The following HSPG2 variants were observed in gnomAD, a reference collection of about 807,000 sequenced individuals.
HSPG2 encodes heparan sulfate proteoglycan 2.
A neutral mutation model predicts 526.6 loss-of-function variants in HSPG2; 278 were observed. The observed-to-expected ratio is 0.53, with a 90% CI of 0.48 to 0.58. HSPG2 has a LOEUF of 0.58. Among genes scored for constraint, HSPG2 ranks in the 20% least tolerant of loss-of-function variants. The pLI is 0.00. For missense variants in HSPG2, 5,354 were observed against 6,099.5 expected, an observed-to-expected ratio of 0.88 and a Z score of 4.07; for synonymous variants, 2,465 against 2,555.4, an observed-to-expected ratio of 0.96 and a Z score of 1.07.
At chr1:21,870,271 G>T in intron 33 of HSPG2, 1 of 986,154 alleles carries the variant, frequency 1.0e-6, no homozygotes, top group Non-Finnish European at 1.2e-6. Flanking sequence ...CCTCCCAGCT[G>T]TCACGGCTGC....
At position 21,841,964 on chromosome 1, in the gene HSPG2, G is replaced by A. The variant is rs553616373; in HGVS notation, c.9193+38C>T. ...TGGGGATGACGGCACCCCCATGCCT[G>A]CCCCCAGCTTGCCCACCTGCCCACC... On this transcript the variant is annotated intron_variant, in intron 69 of 96. Coordinates refer to ENST00000374695, the MANE Select transcript of HSPG2 (RefSeq NM_005529.7). The A allele has an allele frequency of 1.9e-6, 3 of 1,610,816 alleles. No individual in the cohort carries two copies. In the South Asian group the frequency reaches 3.3e-5, roughly 18 times the overall value.
At position 21,822,434 on chromosome 1, in the gene HSPG2, G is replaced by A. The variant is rs1243505569; in HGVS notation, c.*882C>T. On this transcript the variant is annotated 3_prime_UTR_variant, in exon 97 of 97. Coordinates refer to ENST00000374695, the MANE Select transcript of HSPG2 (RefSeq NM_005529.7). ...TATCCCCCTCCTCTCTCTCTCAGTC[G>A]TGAGTCCTGCCTTCCCCCACCTAAG... 1.7e-5 allele frequency: 10 copies of A among 580,734 alleles called. No individual in the cohort carries two copies. Among genetic ancestry groups the A allele is most frequent in the African/African-American group, 7.5e-5 (4 of 53,446 alleles). The allele number at this position is 580,734 out of a possible 1,614,324, so 36.0% of individuals were successfully genotyped here.
intron 1 of HSPG2, among the ~76,000 whole-genome samples, chr1:21,909,889 G>A (rs1350499984): frequency 6.6e-6 from 1 of 152,236 alleles, no homozygotes; most frequent in Admixed American, 6.5e-5. Context: ...GCACAAAGAG[G>A]CACCTTCAGT....
chr1:21,895,837 C>A lies in HSPG2; in HGVS notation c.244+85G>T. On this transcript the variant is annotated intron_variant, in intron 3 of 96. Transcript: ENST00000374695. This position sits in a 1 kb window ranked among gnomAD's most constrained non-coding sequence, Gnocchi z 4.1. ...CTTGCTTTGTACCCCAGGGCAGGCC[C>A]AAGGAGCCCTCAGCCCAGGAGACTG... 1 of 1,293,492 alleles carries A rather than the reference C, an allele frequency of 7.7e-7. No homozygotes were observed. Among genetic ancestry groups the A allele is most frequent in the Non-Finnish European group, 1.1e-6 (1 of 890,476 alleles). The allele number at this position is 1,293,492 out of a possible 1,614,324, so 80.1% of individuals were successfully genotyped here.
In HSPG2 at chr1:21,843,203, A is replaced by G. The variant is rs574647202; in HGVS notation, c.8758+94T>C. On this transcript the variant is annotated intron_variant, in intron 66 of 96. Coordinates refer to ENST00000374695, the MANE Select transcript of HSPG2 (RefSeq NM_005529.7). The stretch of plus-strand genomic sequence containing the variant: ...GTAGGAAACCCCGCCTGCAGGCAAC[A>G]ATAAGTGCCCGGCTGGGAGAGAGGA... 60 of 1,570,090 alleles carry G rather than the reference A, an allele frequency of 3.8e-5. No individual in the cohort carries two copies. In the East Asian group the frequency reaches 1.3e-3, roughly 35 times the overall value.
At position 21,823,288 on chromosome 1, in the gene HSPG2, C is replaced by T. The variant is rs1318633582; in HGVS notation, c.*28G>A. ...GACATTGTCGGGCTGGGGCGTGGCCCGGGAGTCCGTGTGGGGCAGGCAGGT... is the reference window on the plus strand; with the variant it reads ...GACATTGTCGGGCTGGGGCGTGGCCTGGGAGTCCGTGTGGGGCAGGCAGGT... On this transcript the variant is annotated 3_prime_UTR_variant, in exon 97 of 97. Coordinates refer to ENST00000374695, the MANE Select transcript of HSPG2 (RefSeq NM_005529.7). 1.5e-5 allele frequency: 22 copies of T among 1,490,816 alleles called. No individual in the cohort carries two copies. Among genetic ancestry groups the T allele is most frequent in the East Asian group, 1.2e-4 (5 of 40,304 alleles). The allele number at this position is 1,490,816 out of a possible 1,614,324, so 92.3% of individuals were successfully genotyped here.
chr1:21,936,962 G>GC (rs1300054607), intron 1 of HSPG2, among the ~76,000 whole-genome samples, 193 bp downstream of exon 1: 1 of 151,514 alleles, frequency 6.6e-6, no homozygotes, highest in African/African-American at 2.4e-5. Context: ...CTGACTGGTG[G>GC]CCCCCCTGGA....
intron 1 of HSPG2, among the ~76,000 whole-genome samples, chr1:21,936,295 G>C (rs531785869): frequency 2.6e-5 from 4 of 152,318 alleles, no homozygotes; most frequent in African/African-American, 9.6e-5. Context: ...CCTGACCGTA[G>C]AATTCCCTTT....
intron 64 of HSPG2, among the ~76,000 whole-genome samples, chr1:21,845,029 T>C (rs948539493): frequency 1.3e-5 from 2 of 152,154 alleles, no homozygotes; most frequent in Non-Finnish European, 2.9e-5. Flanking sequence ...GGGCGGATCA[T>C]GAGGTCAGGA....
At position 21,860,236 on chromosome 1, in the gene HSPG2, C is replaced by T. The variant is rs2152730317; in HGVS notation, c.4956-1G>A. On this transcript the variant is annotated splice_acceptor_variant, in intron 39 of 96. Transcript: ENST00000374695. LOFTEE classifies it high-confidence loss of function. Reference sequence around the variant, plus strand: ...GTTACCCACGTAACCTGGGCCACACCTGTAAGGGGGAACAAGGGCCGGCAA... The same window carrying T: ...GTTACCCACGTAACCTGGGCCACACTTGTAAGGGGGAACAAGGGCCGGCAA... The T allele has an allele frequency of 6.2e-7, 1 of 1,613,150 alleles. No homozygotes were observed. Among genetic ancestry groups the T allele is most frequent in the South Asian group, 1.1e-5 (1 of 90,948 alleles).
chr1:21,859,931 G>T lies in HSPG2; in HGVS notation c.5086C>A (p.Leu1696Met). The change falls in exon 41 of 97, where the codon CTG becomes ATG. Residue 1696 changes from leucine to methionine, a missense_variant. By Grantham distance (15) the Leu-to-Met change is conservative (BLOSUM62 2). Transcript: ENST00000374695. The surrounding 1 kb of genome is among the most constrained non-coding windows in gnomAD (Gnocchi z 5.3). ...SIVPQGGSHS[L>M]RCQVSGSPPH... ...GGGCTCCCACTGACCTGACACCGCA[G>T]GGAGTGGGAGCCACCTTGGGGCACT... is the stretch of plus-strand genomic sequence containing the variant. 1 of 1,610,586 alleles carries T rather than the reference G, an allele frequency of 6.2e-7. No individual in the cohort carries two copies.
chr1:21,909,917 C>T (rs369721929), intron 1 of HSPG2, among the ~76,000 whole-genome samples: 2 of 152,374 alleles, frequency 1.3e-5, no homozygotes, highest in South Asian at 2.1e-4. Flanking sequence ...AGAGCCGTCC[C>T]TGGGAGTCCC....
intron 49 of HSPG2, 63 bp downstream of exon 49, chr1:21,854,548 G>A: frequency 2.6e-6 from 4 of 1,510,484 alleles, no homozygotes; most frequent in East Asian, 2.5e-5. Flanking sequence ...CAGCGTACAG[G>A]CCCCGCCTCC....
At chr1:21,915,709 A>C (rs991962962) in intron 1 of HSPG2, among the ~76,000 whole-genome samples, 1 of 152,206 alleles carries the variant, frequency 6.6e-6, no homozygotes, top group Admixed American at 6.5e-5. Flanking sequence ...GCACTCATCC[A>C]ATAAGATAGC....
intron 1 of HSPG2, among the ~76,000 whole-genome samples, chr1:21,931,310 T>C (rs1321487295): frequency 6.6e-6 from 1 of 152,210 alleles, no homozygotes; most frequent in African/African-American, 2.4e-5. Flanking sequence ...CCACACATAC[T>C]TCTGGGTTTC....
intron 55 of HSPG2, 36 bp from the exon 56 acceptor site, chr1:21,850,534 A>G (rs891287694): frequency 1.9e-6 from 3 of 1,571,248 alleles, no homozygotes; most frequent in Non-Finnish European, 2.6e-6. Flanking sequence ...GGGAGCCCTC[A>G]GGAGACCCCT....
rs2098020056 is a variant in HSPG2 at position 21,834,897 on chromosome 1, A to C, written c.10502T>G (p.Val3501Gly). The C allele has an allele frequency of 3.1e-6, 5 of 1,613,420 alleles. No individual in the cohort carries two copies. The highest frequency in any genetic ancestry group is 4.2e-6 in the Non-Finnish European group (5 of 1,179,620). Residue 3501 changes from valine to glycine, a missense_variant, in exon 77 of 97, where the codon GTG (valine) becomes GGG (glycine). Coordinates refer to ENST00000374695, the MANE Select transcript of HSPG2 (RefSeq NM_005529.7). The stretch of plus-strand genomic sequence containing the variant: ...TTCGAACTCCACGGCGTGGCCAACC[A>C]CCACGGTCTGCACAGAGGTCCGGAT... ...INIRTSVQTV[V>G]VGHAVEFECL... is the part of the protein sequence containing the mutation.
chr1:21,919,649 C>T (rs924515987), intron 1 of HSPG2, among the ~76,000 whole-genome samples: 3 of 151,978 alleles, frequency 2.0e-5, no homozygotes, highest in Non-Finnish European at 4.4e-5. Flanking sequence ...GAAAGCAGCC[C>T]TTCTCCAGCT....
At chr1:21,915,213 C>A (rs900841540) in intron 1 of HSPG2, among the ~76,000 whole-genome samples, 1 of 134,662 alleles carries the variant, frequency 7.4e-6, no homozygotes, top group African/African-American at 2.7e-5. Context: ...CCCGTCACAA[C>A]AAACCATCAT....
Sources: gnomAD v4.1 joint callset for allele counts (sites outside exome capture counted in the v4.1 genomes callset) on GRCh38, gnomAD v4.1.1 for gene constraint, Gnocchi (gnomAD v3.1) non-coding constraint, MANE v1.5 for transcripts, NCBI Gene and HGNC (gene_info 2026-07-23, HGNC 2026-07-21) for gene names.